Variants in ROBO1 observed in about 807,000 individuals in gnomAD.
ROBO1 encodes the protein roundabout guidance receptor 1.
ROBO1 carries 149 observed loss-of-function variants against 195.9 expected under a neutral mutation model. The ratio of observed to expected loss-of-function variants is 0.76; its 90% confidence interval spans 0.67 to 0.87. The LOEUF (loss-of-function observed/expected upper bound fraction) is 0.87. ROBO1 is among the 40% of genes least tolerant of loss of function. The pLI, the probability that ROBO1 is intolerant of heterozygous loss-of-function variation, is 0.00. For synonymous variants in ROBO1, 816 were observed against 733.2 expected (o/e 1.11, Z -1.82); for missense variants, 1,933 against 2,068.3 (o/e 0.93, Z 1.27).
intron 4 of ROBO1, among the ~76,000 whole-genome samples, chr3:78,867,862 G>A (rs331147): frequency 2.6e-5 from 4 of 151,916 alleles, no homozygotes; most frequent in African/African-American, 9.7e-5. Flanking sequence ...TGCCATCTCC[G>A]AAAATCTCAT....
In ROBO1 at chr3:78,882,812, C is replaced by CTT. The variant is rs34634729; in HGVS notation, c.499+55787_499+55788dup. Among the ~76,000 whole-genome samples the CTT allele has an allele frequency of 5.0e-3, 684 of 136,480 alleles. 15 individuals carry two copies. The East Asian group carries it at 0.063, about 13-fold the overall frequency. 89.5% of individuals were successfully genotyped at this position (136,480 alleles called of 152,430 possible). On this transcript the variant is annotated intron_variant, in intron 4 of 30. Transcript: ENST00000464233. Reference sequence around the variant, plus strand: ...GGATAACACCTCTGTTCTTCCTAATCTTTTTTTTTTTTTTTTCTGAGCCTG... The same window carrying CTT: ...GGATAACACCTCTGTTCTTCCTAATCTTTTTTTTTTTTTTTTTTCTGAGCCTG...
chr3:78,880,162 C>T (rs1162259930), intron 4 of ROBO1, among the ~76,000 whole-genome samples: 2 of 152,022 alleles, frequency 1.3e-5, no homozygotes, highest in Non-Finnish European at 2.9e-5. Flanking sequence ...GCTTTTCTTA[C>T]CTTAAATTCC....
At chr3:79,275,358 C>T (rs573437037) in intron 2 of ROBO1, among the ~76,000 whole-genome samples, 8 of 151,870 alleles carry the variant, frequency 5.3e-5, no homozygotes, top group Non-Finnish European at 8.8e-5. Context: ...TATATCCTAT[C>T]AACAGAATGC....
chr3:78,893,221 T>C (rs2037012235), intron 4 of ROBO1, among the ~76,000 whole-genome samples: 1 of 152,226 alleles, frequency 6.6e-6, no homozygotes, highest in African/African-American at 2.4e-5. Flanking sequence ...GTGATAGTAT[T>C]AAGAAGCGAA....
At chr3:78,754,665 C>T (rs922186623) in intron 4 of ROBO1, among the ~76,000 whole-genome samples, 2 of 151,860 alleles carry the variant, frequency 1.3e-5, no homozygotes, top group African/African-American at 2.4e-5. Context: ...CTTGCATTGG[C>T]GGGAGTTCTA....
At chr3:79,306,538 C>T (rs945784979) in intron 2 of ROBO1, among the ~76,000 whole-genome samples, 5 of 152,206 alleles carry the variant, frequency 3.3e-5, no homozygotes, top group African/African-American at 1.2e-4. Context: ...CATTCGCATG[C>T]CCCTTAGCGT....
chr3:79,564,417 G>C (rs1320456146), intron 2 of ROBO1, among the ~76,000 whole-genome samples: 1 of 152,014 alleles, frequency 6.6e-6, no homozygotes, highest in Non-Finnish European at 1.5e-5. Context: ...TGTTGTGCTA[G>C]TGGTTTCATA....
chr3:78,631,275 G>A lies in ROBO1; in HGVS notation c.3512C>T (p.Thr1171Ile), dbSNP rs755463776. ...GCCACCCTGTTTTGGTACCTTGGGT[G>A]TTCTTGCCCCTTTCTTGTGCCCCTG... is the stretch of plus-strand genomic sequence containing the variant. ...GSQGHKKGAR[T>I]PKVPKQGGMN... The change falls in exon 25 of 31, where the codon ACA becomes ATA. Residue 1171 changes from threonine (T) to isoleucine (I), a missense_variant. Thr to Ile is a moderately conservative substitution (Grantham distance 89). Around this residue, in one of 3 missense-constraint regions of ROBO1, gnomAD observed 1,737 missense variants for 1,882.5 expected, o/e 0.92. Transcript: ENST00000464233. 1.2e-6 allele frequency: 2 copies of A among 1,613,424 alleles called. No homozygotes were observed. The highest frequency in any genetic ancestry group is 1.7e-5 in the Admixed American group (1 of 59,954).
intron 2 of ROBO1, among the ~76,000 whole-genome samples, chr3:79,249,285 C>T (rs2082678069): frequency 6.6e-6 from 1 of 152,192 alleles, no homozygotes; most frequent in South Asian, 2.1e-4. Context: ...TTCACCAGCA[C>T]GAAGAGGACT....
At chr3:79,424,428 CATAT>C (rs5850426) in intron 2 of ROBO1, among the ~76,000 whole-genome samples, 2 of 151,050 alleles carry the variant, frequency 1.3e-5, no homozygotes, top group Non-Finnish European at 3.0e-5. Flanking sequence ...AATATCATAT[CATAT>C]ATATATATAT....
chr3:78,694,098 A>G (rs2081235648), intron 8 of ROBO1, among the ~76,000 whole-genome samples: 1 of 152,350 alleles, frequency 6.6e-6, no homozygotes, highest in Middle Eastern at 3.4e-3. Flanking sequence ...AAAACTTTAT[A>G]ATCTTATCTA....
intron 2 of ROBO1, among the ~76,000 whole-genome samples, chr3:79,177,983 A>G (rs2081284295): frequency 6.6e-6 from 1 of 152,236 alleles, no homozygotes; most frequent in South Asian, 2.1e-4. Context: ...GCCAATTAAC[A>G]AGCTCTCTTT....
chr3:78,955,107 T>TG (rs1466512205), intron 3 of ROBO1, among the ~76,000 whole-genome samples: 4 of 114,276 alleles, frequency 3.5e-5, no homozygotes, highest in Non-Finnish European at 7.1e-5. Flanking sequence ...CTGTGTGTCA[T>TG]GGGGTTATAT....
At chr3:79,028,272 T>C (rs1362770812) in intron 3 of ROBO1, among the ~76,000 whole-genome samples, 1 of 152,002 alleles carries the variant, frequency 6.6e-6, no homozygotes, top group Non-Finnish European at 1.5e-5. Context: ...GTATATTTTT[T>C]CTTTTTTCAC....
chr3:79,128,614 C>T (rs2080261772), intron 2 of ROBO1, among the ~76,000 whole-genome samples: 1 of 151,984 alleles, frequency 6.6e-6, no homozygotes, highest in Non-Finnish European at 1.5e-5. Context: ...CCATACAAAC[C>T]AATAAGGCAT....
intron 4 of ROBO1, among the ~76,000 whole-genome samples, chr3:78,920,225 T>C (rs74872260): frequency 0.03 from 4,641 of 152,310 alleles, 260 homozygotes; most frequent in African/African-American, 0.1. Flanking sequence ...TTCACTTTCA[T>C]GATTAAGAAT....
intron 2 of ROBO1, among the ~76,000 whole-genome samples, chr3:79,573,816 T>A (rs1576048794): frequency 6.6e-6 from 1 of 152,214 alleles, no homozygotes; most frequent in Non-Finnish European, 1.5e-5. Flanking sequence ...CTTTGATCAA[T>A]CAAAAACCCA....
chr3:79,569,667 GTGTGTGTATATA>G (rs1220882776), intron 2 of ROBO1, among the ~76,000 whole-genome samples: 2 of 110,924 alleles, frequency 1.8e-5, no homozygotes, highest in African/African-American at 4.5e-5. Context: ...GTGTGTGTGT[GTGTGTGTATATA>G]TGTGTGTGTG....
At chr3:79,096,938 T>C (rs1376853107) in intron 3 of ROBO1, among the ~76,000 whole-genome samples, 2 of 151,666 alleles carry the variant, frequency 1.3e-5, no homozygotes, top group African/African-American at 2.4e-5. Context: ...GCAGGAGGCA[T>C]AGAATTTTGA....
Sources: allele counts gnomAD v4.1 joint callset (sites outside exome capture counted in the v4.1 genomes callset), GRCh38; gene constraint gnomAD v4.1.1; regional missense constraint gnomAD v4.1.1; transcripts MANE v1.5; gene names NCBI Gene and HGNC (gene_info 2026-07-23, HGNC 2026-07-21).